SYCP2L: variants seen among roughly 807,000 people sequenced by gnomAD.
SYCP2L encodes the protein synaptonemal complex protein 2 like.
SYCP2L carries 98 observed loss-of-function variants against 125.8 expected under a neutral mutation model. The observed-to-expected ratio is 0.78, with a 90% CI of 0.66 to 0.92. The LOEUF (loss-of-function observed/expected upper bound fraction) is 0.92. Ranked by LOEUF, SYCP2L falls within the 40% of genes least tolerant of loss-of-function variation. The pLI is 0.00. For missense variants in SYCP2L, 842 were observed against 936.4 expected (o/e 0.90, Z 1.32); for synonymous variants, 317 against 325.4 (o/e 0.97, Z 0.28).
intron 10 of SYCP2L, among the ~76,000 whole-genome samples, chr6:10,908,473 T>A (rs1013334665): frequency 6.6e-6 from 1 of 152,210 alleles, no homozygotes; most frequent in African/African-American, 2.4e-5. Context: ...CTGGGCTTCC[T>A]GTGATTGTGT....
At chr6:10,966,617 A>G (rs1219668270) in intron 29 of SYCP2L, among the ~76,000 whole-genome samples, 2 of 152,192 alleles carry the variant, frequency 1.3e-5, no homozygotes, top group Non-Finnish European at 2.9e-5. Flanking sequence ...GGACAAGGAC[A>G]GGGGAAAAAG....
At chr6:10,899,659 A>C (rs890962533) in intron 6 of SYCP2L, among the ~76,000 whole-genome samples, 1 of 152,214 alleles carries the variant, frequency 6.6e-6, no homozygotes, top group Non-Finnish European at 1.5e-5. Context: ...TCTATGTTAC[A>C]TGTTTTTAGT....
chr6:10,937,315 T>C (rs969980201), intron 21 of SYCP2L, among the ~76,000 whole-genome samples: 4 of 151,904 alleles, frequency 2.6e-5, no homozygotes, highest in Admixed American at 6.6e-5. Flanking sequence ...CACAAATACA[T>C]GGAAATTAAA....
chr6:10,927,461 G>A, intron 17 of SYCP2L, 94 bp downstream of exon 17: 1 of 917,866 alleles, frequency 1.1e-6, no homozygotes, highest in Non-Finnish European at 1.7e-6. Context: ...GGGCATCCAG[G>A]GGAGACATCA....
At chr6:10,909,116 A>AT (rs67767345) in intron 10 of SYCP2L, among the ~76,000 whole-genome samples, 14,254 of 94,314 alleles carry the variant, frequency 0.15, 1,373 homozygotes, top group Middle Eastern at 0.28. Flanking sequence ...TCTCAATTGA[A>AT]TTTTTTTTTT....
intron 1 of SYCP2L, among the ~76,000 whole-genome samples, chr6:10,890,771 G>A (rs767654573): frequency 1.5e-4 from 23 of 152,134 alleles, no homozygotes; most frequent in Non-Finnish European, 7.4e-5. Context: ...CCAGACCAAT[G>A]TCCTAAAGTG....
chr6:10,923,380 CTTT>C (rs1226992236), intron 14 of SYCP2L, among the ~76,000 whole-genome samples: 66 of 92,468 alleles, frequency 7.1e-4, no homozygotes, highest in Middle Eastern at 9.1e-3. Context: ...GAAACACACA[CTTT>C]TTTTTTTTTT....
intron 29 of SYCP2L, among the ~76,000 whole-genome samples, chr6:10,973,104 A>G (rs1249734305): frequency 1.3e-5 from 2 of 152,210 alleles, no homozygotes; most frequent in East Asian, 3.8e-4. Context: ...AAAAAAATGG[A>G]GAAATAACTT....
At chr6:10,934,510 C>G (rs544476782) in intron 20 of SYCP2L, among the ~76,000 whole-genome samples, 1 of 152,220 alleles carries the variant, frequency 6.6e-6, no homozygotes. Flanking sequence ...GAAACCCCAT[C>G]TCTAATAAAA....
intron 21 of SYCP2L, 36 bp downstream of exon 21, chr6:10,935,223 T>A (rs984331913): frequency 8.1e-6 from 13 of 1,600,350 alleles, no homozygotes; most frequent in Non-Finnish European, 1.1e-5. Context: ...TAGGAAAAAA[T>A]TTGTATTTGG....
At position 10,926,326 on chromosome 6, in the gene SYCP2L, T is replaced by G. The variant is rs1360374988; in HGVS notation, c.1219-13T>G. 6.2e-6 allele frequency: 10 copies of G among 1,601,294 alleles called. No homozygotes were observed. Among genetic ancestry groups the G allele is most frequent in the Non-Finnish European group, 8.5e-6 (10 of 1,171,650 alleles). ...GACTACATTTCAAAGTTGACCTTTGTCTTGCATTTCAGATGTTGCCTGACC... is the reference window on the plus strand; with the variant it reads ...GACTACATTTCAAAGTTGACCTTTGGCTTGCATTTCAGATGTTGCCTGACC... On this transcript the variant is annotated splice_polypyrimidine_tract_variant and intron_variant, in intron 15 of 29. Transcript: ENST00000283141.
intron 17 of SYCP2L, among the ~76,000 whole-genome samples, 200 bp downstream of exon 17, chr6:10,927,567 G>T (rs1427419515): frequency 6.6e-6 from 1 of 152,146 alleles, no homozygotes; most frequent in African/African-American, 2.4e-5. Context: ...AATAGGGTGT[G>T]GGTCACAGAG....
rs376279035 is a variant in SYCP2L, at chr6:10,907,064, C to T, written c.677-478C>T. 1.2e-4 allele frequency among the ~76,000 whole-genome samples: 18 copies of T among 152,030 alleles called. No homozygotes were observed. In the East Asian group the frequency reaches 2.9e-3, roughly 25 times the overall value. On this transcript the variant is annotated intron_variant, in intron 9 of 29. Transcript: ENST00000283141. ...AAATACTCAATTTAAATGATTTTGG[C>T]TAGGCATGGTGGCTCATGCCTACAA...
chr6:10,897,981 A>G (rs1780287456), intron 4 of SYCP2L, 30 bp from the exon 5 acceptor site: 1 of 1,409,780 alleles, frequency 7.1e-7, no homozygotes, highest in Admixed American at 1.7e-5. Context: ...ATTTAGTCTT[A>G]TGTAGTTACG....
rs1781246708 is a variant in SYCP2L at position 10,942,759 on chromosome 6, TA to T, written c.1954+14del. The T allele has an allele frequency of 3.3e-6, 5 of 1,530,546 alleles. No individual in the cohort carries two copies. Among genetic ancestry groups the T allele is most frequent in the East Asian group, 2.3e-5 (1 of 43,632 alleles). 94.8% of individuals were successfully genotyped at this position (1,530,546 alleles called of 1,614,324 possible). ...TTGGAAGACAAAGGTAAGAGAATAG[TA>T]CTTTTTTTTTTTTTTTTGCAGAATA... On this transcript the variant is annotated intron_variant, in intron 23 of 29. Transcript: ENST00000283141.
chr6:10,935,166 G>A lies in SYCP2L; in HGVS notation c.1792G>A (p.Glu598Lys), dbSNP rs1363459986. The A allele has an allele frequency of 3.7e-6, 6 of 1,612,534 alleles. No individual in the cohort carries two copies. In the African/African-American group the frequency reaches 5.3e-5, roughly 14 times the overall value. The change falls in exon 21 of 30, where the codon GAA (glutamate) becomes AAA (lysine). Residue 598 changes from glutamate to lysine, a missense_variant. Physicochemically the swap from Glu to Lys is moderately conservative, Grantham distance 56. Transcript: ENST00000283141. ...AGATAGTTTTGCTTTTTTGACTGCTGAAGATTCTGCCCAGAAAACAGGTAC... is the reference window on the plus strand; with the variant it reads ...AGATAGTTTTGCTTTTTTGACTGCTAAAGATTCTGCCCAGAAAACAGGTAC... ...FQDSFAFLTAEDSAQKTELQD... is the reference protein window; with the variant it reads ...FQDSFAFLTAKDSAQKTELQD...
intron 20 of SYCP2L, among the ~76,000 whole-genome samples, chr6:10,933,814 CAATT>C (rs1466776368): frequency 4.6e-5 from 7 of 152,034 alleles, no homozygotes; most frequent in Middle Eastern, 3.2e-3. Flanking sequence ...TCAATTAACT[CAATT>C]AATCCTCAAG....
intron 6 of SYCP2L, among the ~76,000 whole-genome samples, chr6:10,900,405 T>G (rs1034980280): frequency 1.3e-5 from 2 of 151,472 alleles, no homozygotes; most frequent in Non-Finnish European, 1.5e-5. Context: ...CTCAGACGAG[T>G]GCAGTGGCAC....
chr6:10,915,462 A>G (rs1356368665), intron 14 of SYCP2L, among the ~76,000 whole-genome samples: 3 of 152,224 alleles, frequency 2.0e-5, no homozygotes, highest in East Asian at 1.9e-4. Context: ...TGGGTTTGTC[A>G]TAGATGGCTT....
Sources: gnomAD v4.1 joint callset for allele counts (sites outside exome capture counted in the v4.1 genomes callset) on GRCh38, gnomAD v4.1.1 for gene constraint, MANE v1.5 for transcripts, NCBI Gene and HGNC (gene_info 2026-07-23, HGNC 2026-07-21) for gene names.